CRTAC1: variants seen among roughly 807,000 people sequenced by gnomAD.
CRTAC1 encodes acidic secreted protein in cartilage.
Under a neutral mutation model 67.8 loss-of-function variants are expected in CRTAC1, and 37 were observed. That is an observed-to-expected ratio of 0.55 (90% confidence interval 0.42 to 0.72). CRTAC1 has a LOEUF of 0.72. Ranked by LOEUF, CRTAC1 falls within the 30% of genes least tolerant of loss-of-function variation. The pLI, the probability that CRTAC1 is intolerant of heterozygous loss-of-function variation, is 0.00. For missense variants in CRTAC1, 780 were observed against 931.6 expected (o/e 0.84, Z 2.12); for synonymous variants, 348 against 371.0 (o/e 0.94, Z 0.71).
At chr10:98,001,549 TAA>T (rs201280884) in intron 2 of CRTAC1, among the ~76,000 whole-genome samples, 3 of 146,798 alleles carry the variant, frequency 2.0e-5, no homozygotes, top group African/African-American at 7.5e-5. Flanking sequence ...TATTAAAATG[TAA>T]AAAAAAAAAA....
chr10:97,895,192 ATCAG>A lies in CRTAC1; in HGVS notation c.1486+49_1486+52del. 1 of 1,565,338 alleles carries A rather than the reference ATCAG, an allele frequency of 6.4e-7. No homozygotes were observed. Among genetic ancestry groups the A allele is most frequent in the Non-Finnish European group, 8.7e-7 (1 of 1,152,738 alleles). The stretch of plus-strand genomic sequence containing the variant: ...GGATGCTCGGGCTGTGAGTCCCTGA[ATCAG>A]TCAGCATCCTGATAACAGCTCACTG... On this transcript the variant is annotated intron_variant, in intron 11 of 14. Coordinates refer to ENST00000370597, the MANE Select transcript of CRTAC1 (RefSeq NM_018058.7). This position sits in a 1 kb window ranked among gnomAD's most constrained non-coding sequence, Gnocchi z 4.2.
intron 2 of CRTAC1, among the ~76,000 whole-genome samples, chr10:97,944,636 G>C (rs1227534196): frequency 6.6e-6 from 1 of 152,170 alleles, no homozygotes; most frequent in Non-Finnish European, 1.5e-5. Flanking sequence ...ATGAAGACAT[G>C]GAGTCTATTT....
At chr10:97,872,780 C>A (rs903313748) in intron 14 of CRTAC1, among the ~76,000 whole-genome samples, 7 of 152,158 alleles carry the variant, frequency 4.6e-5, no homozygotes, top group Non-Finnish European at 8.8e-5. Flanking sequence ...CGCCCCTGGG[C>A]TCCCCAGTGC....
At chr10:97,959,648 C>G (rs555937616) in intron 2 of CRTAC1, among the ~76,000 whole-genome samples, 1 of 152,198 alleles carries the variant, frequency 6.6e-6, no homozygotes, top group African/African-American at 2.4e-5. Context: ...CCCTGCCACT[C>G]GGCCATGTGG....
intron 2 of CRTAC1, among the ~76,000 whole-genome samples, chr10:98,005,098 ATATTT>A (rs1842759621): frequency 2.6e-5 from 1 of 38,212 alleles, no homozygotes; most frequent in Non-Finnish European, 4.7e-5. Context: ...ATATATATAT[ATATTT>A]TTTTTTTTTT....
chr10:97,865,487 A>G lies in CRTAC1; in HGVS notation c.*61T>C. 1 of 1,553,434 alleles carries G rather than the reference A, an allele frequency of 6.4e-7. No individual in the cohort carries two copies. Among genetic ancestry groups the G allele is most frequent in the Middle Eastern group, 1.7e-4 (1 of 5,772 alleles). On this transcript the variant is annotated 3_prime_UTR_variant, in exon 15 of 15. Transcript: ENST00000370597. ...ACATCCCTACTGTCTAGGCAGCAGC[A>G]CAAGCCCACTTTCCCACTCCCCTGC...
In CRTAC1 at chr10:97,882,791, C is replaced by T. The variant is rs1564875994; in HGVS notation, c.1670G>A (p.Cys557Tyr). Reference sequence around the variant, plus strand: ...GGTGACTGAAGGCAACTCACCCATGCAATGGCCATTTTCCTGCTGGGAGAA... The same window carrying T: ...GGTGACTGAAGGCAACTCACCCATGTAATGGCCATTTTCCTGCTGGGAGAA... The part of the protein sequence containing the change: ...QGFSQQENGH[C>Y]MDTNECIQFP... Residue 557 changes from cysteine (C) to tyrosine (Y), a missense_variant, in exon 13 of 15, where the codon TGC (cysteine) becomes TAC (tyrosine). By Grantham distance (194) the Cys-to-Tyr change is radical. Transcript: ENST00000370597. 2.5e-6 allele frequency: 4 copies of T among 1,614,186 alleles called. No homozygotes were observed. The highest frequency in any genetic ancestry group is 1.7e-6 in the Non-Finnish European group (2 of 1,180,026).
chr10:97,907,469 T>C (rs113187489), intron 6 of CRTAC1, among the ~76,000 whole-genome samples: 127 of 152,116 alleles, frequency 8.3e-4, no homozygotes, highest in Non-Finnish European at 1.6e-3. Context: ...GGGGCACTAT[T>C]TTGTGTGGGT....
chr10:97,967,612 T>C (rs116665584), intron 2 of CRTAC1, among the ~76,000 whole-genome samples: 4 of 152,186 alleles, frequency 2.6e-5, no homozygotes, highest in Non-Finnish European at 5.9e-5. Flanking sequence ...ACCATCTGTA[T>C]CTATATTATG....
At chr10:98,015,864 A>T (rs1212833101) in intron 1 of CRTAC1, among the ~76,000 whole-genome samples, 2 of 152,188 alleles carry the variant, frequency 1.3e-5, no homozygotes, top group Non-Finnish European at 2.9e-5. Flanking sequence ...TACACATCGA[A>T]TACCAGGTTC....
intron 2 of CRTAC1, among the ~76,000 whole-genome samples, chr10:97,972,455 G>A (rs1040181190): frequency 6.6e-6 from 1 of 152,214 alleles, no homozygotes; most frequent in African/African-American, 2.4e-5. Flanking sequence ...AAGTTCTCAC[G>A]CCCTCTGGGT....
At chr10:97,944,687 G>C (rs1000826674) in intron 2 of CRTAC1, among the ~76,000 whole-genome samples, 8 of 152,176 alleles carry the variant, frequency 5.3e-5, no homozygotes, top group African/African-American at 1.9e-4. Context: ...GATTTGCCTT[G>C]ATTGCAGAAG....
At chr10:97,980,030 G>A (rs555847622) in intron 2 of CRTAC1, among the ~76,000 whole-genome samples, 1 of 152,324 alleles carries the variant, frequency 6.6e-6, no homozygotes, top group African/African-American at 2.4e-5. Flanking sequence ...GGACACACTG[G>A]TCCAATGGCC....
rs577363930 is a variant in CRTAC1 at position 97,983,287 on chromosome 10, C to T, written c.224+27851G>A. 2.0e-5 allele frequency among the ~76,000 whole-genome samples: 3 copies of T among 148,084 alleles called. No individual in the cohort carries two copies. In the East Asian group the frequency reaches 5.8e-4, roughly 29 times the overall value. ...CCCATAAATACTTAGTGAGCACCTA[C>T]ACTGTGCTTACATTCAAGAAGACAG... On this transcript the variant is annotated intron_variant, in intron 2 of 14. Transcript: ENST00000370597.
intron 2 of CRTAC1, among the ~76,000 whole-genome samples, chr10:97,960,179 T>C (rs2051504123): frequency 6.6e-6 from 1 of 152,256 alleles, no homozygotes; most frequent in Non-Finnish European, 1.5e-5. Context: ...CAGGTCTTTC[T>C]GGGGATAGCG....
chr10:98,019,820 C>A (rs777705342), intron 1 of CRTAC1, among the ~76,000 whole-genome samples: 1 of 152,206 alleles, frequency 6.6e-6, no homozygotes, highest in Non-Finnish European at 1.5e-5. Flanking sequence ...GCAGCTGCCT[C>A]TGGAATAAAG....
intron 2 of CRTAC1, among the ~76,000 whole-genome samples, chr10:97,999,180 C>A (rs1842641479): frequency 6.6e-6 from 1 of 152,190 alleles, no homozygotes; most frequent in Admixed American, 6.5e-5. Flanking sequence ...GGGCTGCTGA[C>A]CCAGGACTCC....
At chr10:97,971,308 G>T (rs1418300454) in intron 2 of CRTAC1, among the ~76,000 whole-genome samples, 1 of 152,178 alleles carries the variant, frequency 6.6e-6, no homozygotes, top group African/African-American at 2.4e-5. Context: ...CCACACAATG[G>T]AATATTATTC....
At chr10:98,023,272 C>A (rs1843158458) in intron 1 of CRTAC1, among the ~76,000 whole-genome samples, 1 of 152,154 alleles carries the variant, frequency 6.6e-6, no homozygotes, top group Non-Finnish European at 1.5e-5. Context: ...GATCAGGGGA[C>A]CTTTGGAGGT....
Sources: allele counts gnomAD v4.1 joint callset (sites outside exome capture counted in the v4.1 genomes callset), GRCh38; gene constraint gnomAD v4.1.1; non-coding constraint Gnocchi (gnomAD v3.1); transcripts MANE v1.5; gene names NCBI Gene and HGNC (gene_info 2026-07-23, HGNC 2026-07-21).